The following CRISPLD2 variants were observed in gnomAD, a reference collection of about 807,000 sequenced individuals.
CRISPLD2 encodes the protein cysteine-rich secretory protein LCCL domain-containing 2.
CRISPLD2 carries 47 observed loss-of-function variants against 71.1 expected under a neutral mutation model. The ratio of observed to expected loss-of-function variants is 0.66; its 90% CI spans 0.52 to 0.84. CRISPLD2 has a LOEUF of 0.84. Among genes scored for constraint, CRISPLD2 ranks in the 40% least tolerant of loss-of-function variants. The pLI is 0.00. For synonymous variants in CRISPLD2, 317 were observed against 250.1 expected, an observed-to-expected ratio of 1.27 and a Z score of -2.52; for missense variants, 830 against 651.1, an observed-to-expected ratio of 1.27 and a Z score of -2.99.
intron 1 of CRISPLD2, among the ~76,000 whole-genome samples, chr16:84,836,597 C>G (rs567250968): frequency 5.6e-4 from 85 of 152,276 alleles, no homozygotes; most frequent in Non-Finnish European, 1.1e-3. Context: ...TTCCAGGGGT[C>G]GGGAATGGGA....
intron 7 of CRISPLD2, 62 bp from the exon 8 acceptor site, chr16:84,868,789 G>A (rs1213882158): frequency 3.8e-6 from 5 of 1,315,192 alleles, no homozygotes; most frequent in Non-Finnish European, 5.5e-6. Flanking sequence ...TCAGCATGGG[G>A]AAGGGTCTTC....
At chr16:84,866,148 G>T (rs780029630) in intron 6 of CRISPLD2, among the ~76,000 whole-genome samples, 1 of 152,090 alleles carries the variant, frequency 6.6e-6, no homozygotes, top group Non-Finnish European at 1.5e-5. Flanking sequence ...TGATGAGGAA[G>T]ACCCCTTCCC....
At chr16:84,855,958 C>A (rs189804527) in intron 6 of CRISPLD2, among the ~76,000 whole-genome samples, 17 of 152,328 alleles carry the variant, frequency 1.1e-4, no homozygotes, top group Non-Finnish European at 1.2e-4. Context: ...CAAGTGTATA[C>A]ATGCACAAGC....
chr16:84,901,038 C>T, intron 14 of CRISPLD2, among the ~76,000 whole-genome samples: 1 of 144,766 alleles, frequency 6.9e-6, no homozygotes, highest in African/African-American at 2.7e-5. Flanking sequence ...CACACACACA[C>T]ACACACGCAA....
At chr16:84,834,037 T>C (rs56656259) in intron 1 of CRISPLD2, among the ~76,000 whole-genome samples, 27,441 of 152,176 alleles carry the variant, frequency 0.18, 2,628 homozygotes, top group Middle Eastern at 0.24. Flanking sequence ...GCCAAGGGCA[T>C]ACCTGGGCCT....
At chr16:84,882,553 C>T (rs1455741347) in intron 13 of CRISPLD2, among the ~76,000 whole-genome samples, 4 of 152,062 alleles carry the variant, frequency 2.6e-5, no homozygotes, top group Non-Finnish European at 5.9e-5. Flanking sequence ...TACAGGCACC[C>T]GTCACCACAC....
At chr16:84,847,293 C>T (rs144361280) in intron 3 of CRISPLD2, among the ~76,000 whole-genome samples, 172 of 152,292 alleles carry the variant, frequency 1.1e-3, no homozygotes, top group African/African-American at 4.0e-3. Context: ...GGATCGACCG[C>T]GGTGACTTCA....
At position 84,908,064 on chromosome 16, in the gene CRISPLD2, A is replaced by G. The variant is rs1178271688; in HGVS notation, c.*1422A>G. ...TTCAAAATATTTCTTAGGTGAAAGA[A>G]CTAGCAGAAAGTCAAAAACTAAGAT... On this transcript the variant is annotated 3_prime_UTR_variant, in exon 15 of 15. Transcript: ENST00000262424. The G allele has an allele frequency of 2.0e-5, 3 of 152,376 alleles. No individual in the cohort carries two copies. Among genetic ancestry groups the G allele is most frequent in the Admixed American group, 2.0e-4 (3 of 15,306 alleles). The allele number at this position is 152,376 out of a possible 1,614,324, so 9.4% of individuals were successfully genotyped here. A position where few individuals can be genotyped will look rare whatever the true frequency, so the allele number is the denominator to read the frequency against.
chr16:84,904,155 T>A (rs1204721956), intron 14 of CRISPLD2, among the ~76,000 whole-genome samples: 1 of 152,122 alleles, frequency 6.6e-6, no homozygotes, highest in Non-Finnish European at 1.5e-5. Context: ...GCGTCCCTGG[T>A]GTTCTAGAAG....
intron 2 of CRISPLD2, among the ~76,000 whole-genome samples, chr16:84,842,483 C>G (rs1035097326): frequency 5.3e-5 from 8 of 151,338 alleles, no homozygotes; most frequent in African/African-American, 1.9e-4. Flanking sequence ...AAGCGACTCT[C>G]CTGCCTCAGC....
intron 13 of CRISPLD2, among the ~76,000 whole-genome samples, chr16:84,885,986 C>T (rs1452742621): frequency 3.3e-5 from 5 of 151,936 alleles, no homozygotes; most frequent in South Asian, 4.1e-4. Flanking sequence ...ATCTGACTAA[C>T]GTTTTTAAAT....
chr16:84,854,513 C>G (rs1917178463), intron 5 of CRISPLD2, among the ~76,000 whole-genome samples: 1 of 152,142 alleles, frequency 6.6e-6, no homozygotes, highest in Non-Finnish European at 1.5e-5. Context: ...TTGTAGCTCC[C>G]TTCTGCAGAA....
intron 1 of CRISPLD2, among the ~76,000 whole-genome samples, chr16:84,827,558 C>CTTTTTTT (rs571068599): frequency 0.015 from 1,997 of 135,786 alleles, 44 homozygotes; most frequent in African/African-American, 0.05. Flanking sequence ...AGTGCCCTTT[C>CTTTTTTT]TTTTTTTTTT....
At chr16:84,883,917 C>T (rs11642773) in intron 13 of CRISPLD2, among the ~76,000 whole-genome samples, 2 of 150,096 alleles carry the variant, frequency 1.3e-5, no homozygotes, top group African/African-American at 4.9e-5. Context: ...GACCTCGGCT[C>T]ACTGCAACCT....
Position 84,906,570 on chromosome 16 carries a change from C to T in CRISPLD2, c.1440-18C>T. 1.2e-6 allele frequency: 2 copies of T among 1,612,088 alleles called. No individual in the cohort carries two copies. Among genetic ancestry groups the T allele is most frequent in the Non-Finnish European group, 1.7e-6 (2 of 1,179,876 alleles). On this transcript the variant is annotated intron_variant, in intron 14 of 14. Coordinates refer to ENST00000262424, the MANE Select transcript of CRISPLD2 (RefSeq NM_031476.4). ...TCCAGATCTCTCAGTAACGGGCCCT[C>T]TTTCTTCTTTTTTTCAGCCTGGGGA... is the stretch of plus-strand genomic sequence containing the variant.
chr16:84,891,595 C>A (rs1207986103), intron 14 of CRISPLD2, among the ~76,000 whole-genome samples: 1 of 152,172 alleles, frequency 6.6e-6, no homozygotes, highest in Admixed American at 6.5e-5. Context: ...AATCCCAGGA[C>A]ATCAATTTAT....
chr16:84,889,430 G>A, intron 14 of CRISPLD2, 67 bp downstream of exon 14: 3 of 1,528,712 alleles, frequency 2.0e-6, no homozygotes, highest in South Asian at 1.2e-5. Flanking sequence ...GGGGGCCTGG[G>A]AAGAGGCCCA....
intron 13 of CRISPLD2, among the ~76,000 whole-genome samples, chr16:84,882,194 A>G (rs1018904324): frequency 1.3e-5 from 2 of 152,174 alleles, no homozygotes; most frequent in Non-Finnish European, 2.9e-5. Context: ...GAAAAGCAAG[A>G]GTGGCAATAT....
rs757808459 is a variant in CRISPLD2 at position 84,873,130 on chromosome 16, C to T, written c.1112+8C>T. 1.2e-6 allele frequency: 2 copies of T among 1,609,444 alleles called. No individual in the cohort carries two copies. Among genetic ancestry groups the T allele is most frequent in the South Asian group, 2.2e-5 (2 of 90,448 alleles). ...CGGCGTGCAGTCCCTCAGGTAACTA[C>T]TCTGTGATCGGGGCTCTGTGAAACG... On this transcript the variant is annotated splice_region_variant and intron_variant, in intron 10 of 14. Coordinates refer to ENST00000262424, the MANE Select transcript of CRISPLD2 (RefSeq NM_031476.4).
Sources: gnomAD v4.1 joint callset for allele counts (sites outside exome capture counted in the v4.1 genomes callset) on GRCh38, gnomAD v4.1.1 for gene constraint, MANE v1.5 for transcripts, NCBI Gene and HGNC (gene_info 2026-07-23, HGNC 2026-07-21) for gene names.